The following GDI2 variants were observed in gnomAD, a reference collection of about 807,000 sequenced individuals.
GDI2 encodes rab GDP dissociation inhibitor beta.
GDI2 carries 22 observed loss-of-function variants against 54.2 expected under a neutral mutation model. The ratio of observed to expected loss-of-function variants is 0.41; its 90% confidence interval spans 0.29 to 0.58. GDI2 has a LOEUF of 0.58. Ranked by LOEUF, GDI2 falls within the 20% of genes least tolerant of loss-of-function variation. The pLI is 0.35. For missense variants in GDI2, 422 were observed against 546.0 expected (o/e 0.77, Z 2.26); for synonymous variants, 177 against 182.1 (o/e 0.97, Z 0.23).
intron 1 of GDI2, among the ~76,000 whole-genome samples, chr10:5,811,326 T>C (rs1841476557): frequency 6.6e-6 from 1 of 152,192 alleles, no homozygotes; most frequent in Admixed American, 6.5e-5. Flanking sequence ...TAGTTAAGTA[T>C]GCATCTACCA....
chr10:5,781,588 G>A (rs1211430621), intron 6 of GDI2, among the ~76,000 whole-genome samples: 2 of 139,594 alleles, frequency 1.4e-5, no homozygotes, highest in East Asian at 4.2e-4. Flanking sequence ...CAGTGCCACT[G>A]CAATCCGGCC....
chr10:5,775,675 T>TA (rs1332069807), intron 6 of GDI2, among the ~76,000 whole-genome samples: 1 of 151,954 alleles, frequency 6.6e-6, no homozygotes, highest in Non-Finnish European at 1.5e-5. Context: ...CCACCAGAAA[T>TA]AAACAGCTGA....
intron 1 of GDI2, among the ~76,000 whole-genome samples, chr10:5,808,686 ATTG>A (rs1344528011): frequency 2.2e-5 from 3 of 134,480 alleles, no homozygotes; most frequent in Non-Finnish European, 4.7e-5. Flanking sequence ...AATAAAAAGT[ATTG>A]TTGTTATTAA....
chr10:5,772,730 C>A lies in GDI2; in HGVS notation c.819+1112G>T, dbSNP rs905268488. 2.0e-5 allele frequency among the ~76,000 whole-genome samples: 3 copies of A among 152,102 alleles called. No individual in the cohort carries two copies. In the South Asian group the frequency reaches 6.2e-4, roughly 32 times the overall value. On this transcript the variant is annotated intron_variant, in intron 7 of 10. Transcript: ENST00000380191. ...TGAGATCACGCCACTGCACTCCAGCCTCGGCGACAGAGCAAAACGATTTGA... is the reference window on the plus strand; with the variant it reads ...TGAGATCACGCCACTGCACTCCAGCATCGGCGACAGAGCAAAACGATTTGA...
intron 1 of GDI2, 78 bp downstream of exon 1, chr10:5,813,136 C>G (rs918011640): frequency 1.4e-5 from 12 of 856,596 alleles, no homozygotes; most frequent in Admixed American, 2.9e-5. Context: ...CGAGGAGCTG[C>G]GACCCGCGGG....
intron 5 of GDI2, among the ~76,000 whole-genome samples, chr10:5,785,503 T>C (rs1254325452): frequency 6.6e-6 from 1 of 152,056 alleles, no homozygotes; most frequent in Admixed American, 6.6e-5. Flanking sequence ...GCCTCCCAAG[T>C]GGCTGGAATT....
At chr10:5,767,874 T>A (rs2131679506) in intron 8 of GDI2, among the ~76,000 whole-genome samples, 1 of 152,320 alleles carries the variant, frequency 6.6e-6, no homozygotes, top group Non-Finnish European at 1.5e-5. Flanking sequence ...GAAGCAGCTA[T>A]GTCATTAGCT....
At chr10:5,803,810 C>CA (rs1209169159) in intron 1 of GDI2, among the ~76,000 whole-genome samples, 1 of 152,022 alleles carries the variant, frequency 6.6e-6, no homozygotes, top group African/African-American at 2.4e-5. Flanking sequence ...TATAATCACT[C>CA]AAAAAGGGTT....
intron 1 of GDI2, among the ~76,000 whole-genome samples, chr10:5,809,224 AAC>A (rs1396798766): frequency 7.3e-6 from 1 of 137,002 alleles, no homozygotes; most frequent in Non-Finnish European, 1.6e-5. Context: ...CAGCCTGGGC[AAC>A]AGAGTGAGAC....
In GDI2 at chr10:5,765,868, G is replaced by C; in HGVS notation, c.*138C>G. The stretch of plus-strand genomic sequence containing the variant: ...ACAAGTTAATAATTAGAAAGGTGAA[G>C]GGGAGTATTTACTGGCACAGCGCTC... On this transcript the variant is annotated 3_prime_UTR_variant, in exon 11 of 11. Coordinates refer to ENST00000380191, the MANE Select transcript of GDI2 (RefSeq NM_001494.4). The C allele has an allele frequency of 1.6e-6, 1 of 630,500 alleles. No individual in the cohort carries two copies. The highest frequency in any genetic ancestry group is 1.9e-5 in the African/African-American group (1 of 52,658). The allele number at this position is 630,500 out of a possible 1,614,324, so 39.1% of individuals were successfully genotyped here.
At chr10:5,770,763 T>G (rs1342526584) in intron 7 of GDI2, among the ~76,000 whole-genome samples, 1 of 150,998 alleles carries the variant, frequency 6.6e-6, no homozygotes. Flanking sequence ...GTCAGGAGTT[T>G]GAGACCAGCC....
intron 4 of GDI2, among the ~76,000 whole-genome samples, chr10:5,786,504 A>T (rs1840884658): frequency 6.6e-6 from 1 of 152,192 alleles, no homozygotes; most frequent in Admixed American, 6.5e-5. Flanking sequence ...TTTGGACAGC[A>T]TGGCTTCCAG....
At chr10:5,795,555 A>G (rs1841127981) in intron 3 of GDI2, among the ~76,000 whole-genome samples, 1 of 152,190 alleles carries the variant, frequency 6.6e-6, no homozygotes, top group South Asian at 2.1e-4. Context: ...TTTTAATGTT[A>G]CAACTTAAAG....
intron 3 of GDI2, among the ~76,000 whole-genome samples, chr10:5,795,698 G>C (rs576068738): frequency 1.3e-5 from 2 of 152,228 alleles, no homozygotes; most frequent in South Asian, 4.1e-4. Context: ...GGGAGGCCAA[G>C]GAGGGAGGAT....
At chr10:5,769,728 A>G (rs1239820749) in intron 7 of GDI2, among the ~76,000 whole-genome samples, 4 of 152,224 alleles carry the variant, frequency 2.6e-5, no homozygotes, top group Non-Finnish European at 4.4e-5. Flanking sequence ...CTATCAAAAC[A>G]AAATTAAGTG....
chr10:5,791,750 GAA>G lies in GDI2; in HGVS notation c.388+3133_388+3134del, dbSNP rs35475458. Reference sequence around the variant, plus strand: ...AGCGAAACTCCGTCTCAAAAAAAAAGAAAAAAAAAAAAAAAATAAGCCAGGTG... The same window carrying G: ...AGCGAAACTCCGTCTCAAAAAAAAAGAAAAAAAAAAAAAATAAGCCAGGTG... On this transcript the variant is annotated intron_variant, in intron 4 of 10. Transcript: ENST00000380191. Among the ~76,000 whole-genome samples, 210 of 137,232 alleles carry G rather than the reference GAA, an allele frequency of 1.5e-3. 1 individual carries two copies. The highest frequency in any genetic ancestry group is 1.7e-3 in the African/African-American group (61 of 36,332). The allele number at this position is 137,232 out of a possible 152,430, so 90.0% of individuals were successfully genotyped here.
intron 6 of GDI2, 86 bp downstream of exon 6, chr10:5,785,056 A>T: frequency 1.2e-6 from 1 of 851,042 alleles, no homozygotes. Flanking sequence ...GACTGATCTC[A>T]TCTCATTATT....
intron 5 of GDI2, 54 bp downstream of exon 5, chr10:5,785,798 G>A: frequency 1.8e-6 from 2 of 1,090,826 alleles, no homozygotes; most frequent in South Asian, 1.3e-5. Context: ...GAAGACTTGG[G>A]AAATTTAGTG....
At chr10:5,771,016 CAA>C (rs35350509) in intron 7 of GDI2, among the ~76,000 whole-genome samples, 4 of 113,588 alleles carry the variant, frequency 3.5e-5, no homozygotes, top group Admixed American at 8.8e-5. Flanking sequence ...TACTTTATCA[CAA>C]AAAAAAAAAA....
Sources: gnomAD v4.1 joint callset for allele counts (sites outside exome capture counted in the v4.1 genomes callset) on GRCh38, gnomAD v4.1.1 for gene constraint, MANE v1.5 for transcripts, NCBI Gene and HGNC (gene_info 2026-07-23, HGNC 2026-07-21) for gene names.